Variants in ANKH observed in about 807,000 individuals in gnomAD.
ANKH encodes ANKH inorganic pyrophosphate transport regulator.
A neutral mutation model predicts 49.0 loss-of-function variants in ANKH; 15 were observed. The observed-to-expected ratio is 0.31, with a 90% CI of 0.20 to 0.47. ANKH has a LOEUF of 0.47. ANKH is among the 20% of genes least tolerant of loss of function. The pLI, the probability that ANKH is intolerant of heterozygous loss-of-function variation, is 1.00. For missense variants in ANKH, 429 were observed against 652.0 expected (o/e 0.66, Z 3.72); for synonymous variants, 273 against 260.0 (o/e 1.05, Z -0.48).
At chr5:14,844,182 T>C (rs980962897) in intron 1 of ANKH, among the ~76,000 whole-genome samples, 7 of 152,196 alleles carry the variant, frequency 4.6e-5, no homozygotes, top group African/African-American at 1.7e-4. Context: ...GCCTTTAAAA[T>C]AGATATATCC....
intron 1 of ANKH, among the ~76,000 whole-genome samples, chr5:14,813,123 C>T (rs1462313487): frequency 6.6e-6 from 1 of 151,996 alleles, no homozygotes; most frequent in Non-Finnish European, 1.5e-5. Context: ...TACCTGTAGT[C>T]CTAGCTACTC....
chr5:14,787,770 C>A (rs974675906), intron 1 of ANKH, among the ~76,000 whole-genome samples: 1 of 152,186 alleles, frequency 6.6e-6, no homozygotes, highest in Non-Finnish European at 1.5e-5. Flanking sequence ...TATCTGTAAG[C>A]AGATGCCTAC....
intron 2 of ANKH, among the ~76,000 whole-genome samples, chr5:14,759,879 GAA>G (rs1446530096): frequency 1.3e-5 from 2 of 151,092 alleles, no homozygotes; most frequent in Non-Finnish European, 3.0e-5. Flanking sequence ...GAAAGGAAAA[GAA>G]AGACAAGAAA....
At chr5:14,830,786 A>C (rs1445215623) in intron 1 of ANKH, among the ~76,000 whole-genome samples, 1 of 152,070 alleles carries the variant, frequency 6.6e-6, no homozygotes, top group Non-Finnish European at 1.5e-5. Flanking sequence ...CTGGTGAAAC[A>C]CTAAATCTGA....
intron 1 of ANKH, among the ~76,000 whole-genome samples, chr5:14,799,681 C>T (rs1016780539): frequency 1.3e-5 from 2 of 152,126 alleles, no homozygotes; most frequent in Non-Finnish European, 2.9e-5. Context: ...TATTTTAAGC[C>T]CACTGCTGAG....
chr5:14,815,649 C>T (rs75537445), intron 1 of ANKH, among the ~76,000 whole-genome samples: 4,813 of 152,180 alleles, frequency 0.032, 263 homozygotes, highest in African/African-American at 0.11. Flanking sequence ...TTCGCCCCTA[C>T]TAAGGAGTAT....
At chr5:14,734,141 T>C (rs554091356) in intron 8 of ANKH, among the ~76,000 whole-genome samples, 1 of 152,340 alleles carries the variant, frequency 6.6e-6, no homozygotes, top group African/African-American at 2.4e-5. Flanking sequence ...ATTCTTTGCC[T>C]TCTACTTTTA....
chr5:14,736,576 C>T (rs543221499), intron 8 of ANKH, among the ~76,000 whole-genome samples: 1 of 152,290 alleles, frequency 6.6e-6, no homozygotes, highest in African/African-American at 2.4e-5. Flanking sequence ...CTCTGCCATT[C>T]TGCTCCAGTT....
intron 1 of ANKH, among the ~76,000 whole-genome samples, chr5:14,855,436 T>C (rs1415213512): frequency 6.6e-6 from 1 of 152,228 alleles, no homozygotes; most frequent in African/African-American, 2.4e-5. Flanking sequence ...TTCATGAATA[T>C]ACTCTTGCCC....
intron 1 of ANKH, among the ~76,000 whole-genome samples, chr5:14,857,679 T>G (rs535717584): frequency 6.6e-6 from 1 of 151,950 alleles, no homozygotes; most frequent in Non-Finnish European, 1.5e-5. Flanking sequence ...AAAAAAAAAC[T>G]TAATAGATCT....
At chr5:14,798,129 G>C in intron 1 of ANKH, 1 of 1,553,766 alleles carries the variant, frequency 6.4e-7, no homozygotes, top group Non-Finnish European at 8.9e-7. Context: ...ATCAAACTGA[G>C]CATCATCATC....
At chr5:14,717,972 G>A (rs1013368154) in intron 8 of ANKH, among the ~76,000 whole-genome samples, 5 of 152,176 alleles carry the variant, frequency 3.3e-5, no homozygotes, top group Non-Finnish European at 5.9e-5. Flanking sequence ...ATTAAGAGAA[G>A]GATGACATTT....
intron 1 of ANKH, among the ~76,000 whole-genome samples, chr5:14,840,037 G>A (rs1741772035): frequency 6.6e-6 from 1 of 152,180 alleles, no homozygotes; most frequent in African/African-American, 2.4e-5. Flanking sequence ...GAAATCATCC[G>A]ATAATAAGCA....
At chr5:14,864,918 C>G (rs113808148) in intron 1 of ANKH, among the ~76,000 whole-genome samples, 1 of 151,956 alleles carries the variant, frequency 6.6e-6, no homozygotes, top group African/African-American at 2.4e-5. Context: ...ACTTACCCCA[C>G]ACACACACAT....
At position 14,713,444 on chromosome 5, in the gene ANKH, C is replaced by T. The variant is rs1033506536; in HGVS notation, c.1265+100G>A. 1.9e-5 allele frequency: 28 copies of T among 1,500,970 alleles called. No homozygotes were observed. The highest frequency in any genetic ancestry group is 1.9e-5 in the Admixed American group (1 of 52,972). 93.0% of individuals were successfully genotyped at this position (1,500,970 alleles called of 1,614,324 possible). A position where few individuals can be genotyped will look rare whatever the true frequency, so the allele number is the denominator to read the frequency against. ...ATCATTCTGAATTTCCGATTCTAGA[C>T]GTGCCTGGGGATTTCCCCTGAAAAT... On this transcript the variant is annotated intron_variant, in intron 10 of 11. Coordinates refer to ENST00000284268, the MANE Select transcript of ANKH (RefSeq NM_054027.6). This position sits in a 1 kb window ranked among gnomAD's most constrained non-coding sequence, Gnocchi z 4.4.
chr5:14,734,612 G>A (rs371684979), intron 8 of ANKH, among the ~76,000 whole-genome samples: 7 of 152,182 alleles, frequency 4.6e-5, no homozygotes, highest in Non-Finnish European at 7.3e-5. Flanking sequence ...GGCAGCACTC[G>A]GCAGGTGCAG....
At chr5:14,822,257 C>G (rs926864064) in intron 1 of ANKH, among the ~76,000 whole-genome samples, 6 of 152,152 alleles carry the variant, frequency 3.9e-5, no homozygotes, top group African/African-American at 1.4e-4. Flanking sequence ...ATTTTGATGA[C>G]ATACAGGAAT....
chr5:14,733,982 AT>A (rs1469382435), intron 8 of ANKH, among the ~76,000 whole-genome samples: 1 of 152,248 alleles, frequency 6.6e-6, no homozygotes, highest in Non-Finnish European at 1.5e-5. Context: ...GTAGGGAATC[AT>A]AAGGTATTAA....
intron 8 of ANKH, among the ~76,000 whole-genome samples, chr5:14,729,631 G>A (rs1737932912): frequency 6.6e-6 from 1 of 152,146 alleles, no homozygotes; most frequent in African/African-American, 2.4e-5. Flanking sequence ...TCCAAGAAGA[G>A]GTGGTCAGAG....
Sources: allele counts gnomAD v4.1 joint callset (sites outside exome capture counted in the v4.1 genomes callset), GRCh38; gene constraint gnomAD v4.1.1; non-coding constraint Gnocchi (gnomAD v3.1); transcripts MANE v1.5; gene names NCBI Gene and HGNC (gene_info 2026-07-23, HGNC 2026-07-21).